KIRREL3: variants seen among roughly 807,000 people sequenced by gnomAD.
The protein encoded by KIRREL3 is kirre like nephrin family adhesion molecule 3.
Under a neutral mutation model 89.7 loss-of-function variants are expected in KIRREL3, and 36 were observed. The ratio of observed to expected loss-of-function variants is 0.40; its 90% confidence interval spans 0.31 to 0.53. KIRREL3 has a LOEUF of 0.53. Ranked by LOEUF, KIRREL3 falls within the 20% of genes least tolerant of loss-of-function variation. The pLI is 0.49. For missense variants in KIRREL3, 864 were observed against 1,056.6 expected, an observed-to-expected ratio of 0.82 and a Z score of 2.53; for synonymous variants, 445 against 441.4, an observed-to-expected ratio of 1.01 and a Z score of -0.10.
chr11:126,577,506 G>C (rs962636207), intron 1 of KIRREL3, among the ~76,000 whole-genome samples: 10 of 151,530 alleles, frequency 6.6e-5, no homozygotes, highest in Middle Eastern at 3.4e-3. Flanking sequence ...CAGCACTTTG[G>C]GAGGCCGAGG....
intron 1 of KIRREL3, among the ~76,000 whole-genome samples, chr11:126,699,742 A>C (rs2135159890): frequency 6.6e-6 from 1 of 152,344 alleles, no homozygotes; most frequent in South Asian, 2.1e-4. Flanking sequence ...AGAGCTTATT[A>C]AGGAGAAAAA....
intron 1 of KIRREL3, among the ~76,000 whole-genome samples, chr11:126,721,844 C>A (rs543318800): frequency 6.6e-6 from 1 of 152,328 alleles, no homozygotes; most frequent in South Asian, 2.1e-4. Context: ...GGGTCACCAG[C>A]ACGGTCCCTG....
chr11:126,517,136 AAGAGAGAGAGAGAGAGAGAG>A (rs199586143), intron 4 of KIRREL3, among the ~76,000 whole-genome samples: 1 of 140,812 alleles, frequency 7.1e-6, no homozygotes, highest in African/African-American at 2.6e-5. Flanking sequence ...GAGAGAGAGA[AAGAGAGAGAGAGAGAGAGAG>A]AGAGAGAGAG....
At position 126,669,477 on chromosome 11, in the gene KIRREL3, A is replaced by T. The variant is rs2135051574; in HGVS notation, c.56-106565T>A. 6.6e-6 allele frequency among the ~76,000 whole-genome samples: 1 copy of T among 152,270 alleles called. No individual in the cohort carries two copies. The highest frequency in any genetic ancestry group is 2.1e-4 in the South Asian group (1 of 4,810). Reference sequence around the variant, plus strand: ...TCTTTAGTTAATGCTTGTAATATCTATGTATTTAAGGGCTTAATCATGGGC... The same window carrying T: ...TCTTTAGTTAATGCTTGTAATATCTTTGTATTTAAGGGCTTAATCATGGGC... On this transcript the variant is annotated intron_variant, in intron 1 of 16. Coordinates refer to ENST00000525144, the MANE Select transcript of KIRREL3 (RefSeq NM_032531.4). This position sits in a 1 kb window ranked among gnomAD's most constrained non-coding sequence, Gnocchi z 5.0.
In KIRREL3 at chr11:126,473,315, G is replaced by A; in HGVS notation, c.585C>T (p.Tyr195=). 6.8e-7 allele frequency: 1 copy of A among 1,460,500 alleles called. No homozygotes were observed. Among genetic ancestry groups the A allele is most frequent in the South Asian group, 1.3e-5 (1 of 76,222 alleles). 90.5% of individuals were successfully genotyped at this position (1,460,500 alleles called of 1,614,324 possible). Residue 195 remains tyrosine (Y), a synonymous_variant, in exon 5 of 17, where the codon TAC becomes TAT. Coordinates refer to ENST00000525144, the MANE Select transcript of KIRREL3 (RefSeq NM_032531.4). ...RKGEVINGAT[Y]SKTLLRDGKR... is the part of the protein sequence containing the mutation. ...CCTCCCCTCCAGGCCTCACCTTGGAGTAGGTGGCCCCATTGATGACCTCTC... is the reference window on the plus strand; with the variant it reads ...CCTCCCCTCCAGGCCTCACCTTGGAATAGGTGGCCCCATTGATGACCTCTC...
chr11:126,842,430 G>C (rs1254449374), intron 1 of KIRREL3, among the ~76,000 whole-genome samples: 2 of 152,152 alleles, frequency 1.3e-5, no homozygotes, highest in Non-Finnish European at 2.9e-5. Context: ...GTTCTCAGTG[G>C]AGAGGGCTGA....
At chr11:126,662,906 C>CT (rs756193928) in intron 1 of KIRREL3, among the ~76,000 whole-genome samples, 5,372 of 91,762 alleles carry the variant, frequency 0.059, 308 homozygotes, top group Admixed American at 0.071. Flanking sequence ...AAAGTCCTTT[C>CT]TTTTTTTTTT....
At position 126,694,096 on chromosome 11, in the gene KIRREL3, C is replaced by T. The variant is rs1741763787; in HGVS notation, c.56-131184G>A. Among the ~76,000 whole-genome samples, 1 of 152,224 alleles carries T rather than the reference C, an allele frequency of 6.6e-6. No homozygotes were observed. ...ACTTGGAAGTTGAATTGGCAAGTTG[C>T]AGCAGGAGATGGGAGCATGGGCTCC... On this transcript the variant is annotated intron_variant, in intron 1 of 16. Transcript: ENST00000525144. The surrounding 1 kb of genome is among the most constrained non-coding windows in gnomAD (Gnocchi z 4.4).
intron 1 of KIRREL3, among the ~76,000 whole-genome samples, chr11:126,618,131 TCTC>T (rs1346726514): frequency 6.6e-6 from 1 of 152,172 alleles, no homozygotes; most frequent in African/African-American, 2.4e-5. Flanking sequence ...CCCACTCCCC[TCTC>T]CTCCTGCTCT....
rs1248422553 is a variant in KIRREL3, at chr11:126,946,151, C to T, written c.55+54304G>A. On this transcript the variant is annotated intron_variant, in intron 1 of 16. Transcript: ENST00000525144. This position sits in a 1 kb window ranked among gnomAD's most constrained non-coding sequence, Gnocchi z 4.1. ...GCACCCTAGAACTAAGGCTCAAGCC[C>T]CTTGTGAGAACAAGAACCCTAAGCT... 6.6e-6 allele frequency among the ~76,000 whole-genome samples: 1 copy of T among 152,154 alleles called. No individual in the cohort carries two copies. The highest frequency in any genetic ancestry group is 2.4e-5 in the African/African-American group (1 of 41,424).
rs576909675 is a variant in KIRREL3, at chr11:126,685,890, C to T, written c.56-122978G>A. Among the ~76,000 whole-genome samples, 14 of 152,362 alleles carry T rather than the reference C, an allele frequency of 9.2e-5. No homozygotes were observed. The East Asian group carries it at 2.5e-3, about 27-fold the overall frequency. On this transcript the variant is annotated intron_variant, in intron 1 of 16. Transcript: ENST00000525144. The surrounding 1 kb of genome is among the most constrained non-coding windows in gnomAD (Gnocchi z 5.5). ...TGGAGACTTTTTCCCTCATGCTGGG[C>T]TCTTCACGTGGCATCCTGTGCCTGC...
At position 126,739,151 on chromosome 11, in the gene KIRREL3, G is replaced by T. The variant is rs117939643; in HGVS notation, c.56-176239C>A. ...GGAAACTCCAATCCAGACTGTTCTGGCTCCAAAGCCAAACCCTTCCACCCG... is the reference window on the plus strand; with the variant it reads ...GGAAACTCCAATCCAGACTGTTCTGTCTCCAAAGCCAAACCCTTCCACCCG... On this transcript the variant is annotated intron_variant, in intron 1 of 16. Transcript: ENST00000525144. This position sits in a 1 kb window ranked among gnomAD's most constrained non-coding sequence, Gnocchi z 5.5. Among the ~76,000 whole-genome samples the T allele has an allele frequency of 7.9e-4, 121 of 152,290 alleles. No homozygotes were observed. The highest frequency in any genetic ancestry group is 1.3e-3 in the Non-Finnish European group (91 of 68,030).
At chr11:126,534,468 C>T (rs769766999) in intron 2 of KIRREL3, among the ~76,000 whole-genome samples, 4 of 152,134 alleles carry the variant, frequency 2.6e-5, no homozygotes, top group Non-Finnish European at 4.4e-5. Context: ...TCCTGCTCGC[C>T]GCCTGGAAGG....
At chr11:126,789,559 T>G (rs2134353841) in intron 1 of KIRREL3, among the ~76,000 whole-genome samples, 1 of 152,280 alleles carries the variant, frequency 6.6e-6, no homozygotes, top group Admixed American at 6.5e-5. Flanking sequence ...TCTTTCTGGT[T>G]TTTACTCTCT....
At chr11:126,921,690 G>C (rs1231819181) in intron 1 of KIRREL3, among the ~76,000 whole-genome samples, 1 of 140,584 alleles carries the variant, frequency 7.1e-6, no homozygotes, top group Admixed American at 7.2e-5. Flanking sequence ...CTATCTATCT[G>C]TCTGTCTTTC....
At chr11:126,878,501 C>T (rs919595970) in intron 1 of KIRREL3, among the ~76,000 whole-genome samples, 11 of 152,072 alleles carry the variant, frequency 7.2e-5, no homozygotes, top group Admixed American at 5.9e-4. Context: ...CATGAAAGGA[C>T]ATGAAAAGTG....
chr11:126,446,728 A>G (rs1955829951), intron 9 of KIRREL3, 31 bp downstream of exon 9: 3 of 1,582,406 alleles, frequency 1.9e-6, no homozygotes, highest in Non-Finnish European at 2.6e-6. Context: ...CCCCTGCCAG[A>G]GGTGCCCCGA....
rs1293930789 is a variant in KIRREL3, at chr11:126,807,379, C to T, written c.55+193076G>A. On this transcript the variant is annotated intron_variant, in intron 1 of 16. Transcript: ENST00000525144. The surrounding 1 kb of genome is among the most constrained non-coding windows in gnomAD (Gnocchi z 4.3). Reference sequence around the variant, plus strand: ...GAAAGGACAAACCTGGGGAATGAAACTCTGCCATGTACACATGTTCTAACC... The same window carrying T: ...GAAAGGACAAACCTGGGGAATGAAATTCTGCCATGTACACATGTTCTAACC... 6.6e-6 allele frequency among the ~76,000 whole-genome samples: 1 copy of T among 152,228 alleles called. No individual in the cohort carries two copies. Among genetic ancestry groups the T allele is most frequent in the East Asian group, 1.9e-4 (1 of 5,204 alleles).
In KIRREL3 at chr11:126,565,277, A is replaced by G. The variant is rs537350729; in HGVS notation, c.56-2365T>C. On this transcript the variant is annotated intron_variant, in intron 1 of 16. Transcript: ENST00000525144. This position sits in a 1 kb window ranked among gnomAD's most constrained non-coding sequence, Gnocchi z 5.4. ...TAGAGAACTCAACCTCTCCTATGCC[A>G]CATACTAGGACACCCCCCAGGGCAA... 6.6e-6 allele frequency among the ~76,000 whole-genome samples: 1 copy of G among 152,198 alleles called. No homozygotes were observed. Among genetic ancestry groups the G allele is most frequent in the Admixed American group, 6.5e-5 (1 of 15,284 alleles).
Sources: allele counts gnomAD v4.1 joint callset (sites outside exome capture counted in the v4.1 genomes callset), GRCh38; gene constraint gnomAD v4.1.1; non-coding constraint Gnocchi (gnomAD v3.1); transcripts MANE v1.5; gene names NCBI Gene and HGNC (gene_info 2026-07-23, HGNC 2026-07-21).